Variants in SLC15A1 observed in about 807,000 individuals in gnomAD.
SLC15A1 encodes Caco-2 oligopeptide transporter.
Under a neutral mutation model 92.9 loss-of-function variants are expected in SLC15A1, and 83 were observed. That is an observed-to-expected ratio of 0.89 (90% CI 0.75 to 1.07). The LOEUF is 1.07. Among genes scored for constraint, SLC15A1 ranks in the 50% least tolerant of loss-of-function variants. The pLI is 0.00. For synonymous variants in SLC15A1, 322 were observed against 318.2 expected, an observed-to-expected ratio of 1.01 and a Z score of -0.13; for missense variants, 857 against 880.1, an observed-to-expected ratio of 0.97 and a Z score of 0.33.
chr13:98,724,662 C>T (rs961137393), intron 4 of SLC15A1, among the ~76,000 whole-genome samples: 3 of 151,896 alleles, frequency 2.0e-5, no homozygotes, highest in African/African-American at 7.3e-5. Flanking sequence ...TTAGTAGAGA[C>T]GGGGGTTTCA....
chr13:98,709,849 C>G lies in SLC15A1; in HGVS notation c.945+18G>C. ...AAGAAAGGGGACAAAGAAACTAAAA[C>G]AAAGGAGTCAAACTTACGATTTTCC... On this transcript the variant is annotated intron_variant, in intron 12 of 22. Coordinates refer to ENST00000376503, the MANE Select transcript of SLC15A1 (RefSeq NM_005073.4). 2.5e-6 allele frequency: 4 copies of G among 1,614,136 alleles called. No homozygotes were observed. The highest frequency in any genetic ancestry group is 3.4e-6 in the Non-Finnish European group (4 of 1,180,016).
chr13:98,737,002 C>A lies in SLC15A1; in HGVS notation c.5-10143G>T, dbSNP rs535096307. On this transcript the variant is annotated intron_variant, in intron 1 of 22. Transcript: ENST00000376503. Reference sequence around the variant, plus strand: ...GCCATCCCATTACTGGGTATATACCCAAAGGATTATAAATCATGCTACTAT... The same window carrying A: ...GCCATCCCATTACTGGGTATATACCAAAAGGATTATAAATCATGCTACTAT... 1.6e-3 allele frequency among the ~76,000 whole-genome samples: 239 copies of A among 152,260 alleles called. 1 individual carries two copies. Among genetic ancestry groups the A allele is most frequent in the African/African-American group, 5.4e-3 (223 of 41,516 alleles).
At chr13:98,721,766 T>A in intron 6 of SLC15A1, 38 bp downstream of exon 6, 1 of 1,580,914 alleles carries the variant, frequency 6.3e-7, no homozygotes, top group Non-Finnish European at 8.7e-7. Context: ...GGATGTGTAG[T>A]TCATTCACGT....
At chr13:98,740,979 G>GT (rs1269522196) in intron 1 of SLC15A1, among the ~76,000 whole-genome samples, 1 of 152,212 alleles carries the variant, frequency 6.6e-6, no homozygotes, top group Non-Finnish European at 1.5e-5. Context: ...AGTGGCTCTT[G>GT]TTGAGGCTGT....
chr13:98,707,356 G>T (rs1465780011), intron 15 of SLC15A1, among the ~76,000 whole-genome samples: 3 of 152,172 alleles, frequency 2.0e-5, no homozygotes, highest in African/African-American at 7.2e-5. Flanking sequence ...ACAACAGGAG[G>T]AACCTTGAAG....
chr13:98,684,984 G>A, intron 22 of SLC15A1, 69 bp from the exon 23 acceptor site: 1 of 1,341,582 alleles, frequency 7.5e-7, no homozygotes, highest in Non-Finnish European at 1.0e-6. Flanking sequence ...ATGAATATAT[G>A]GTGCGTACAT....
intron 18 of SLC15A1, among the ~76,000 whole-genome samples, chr13:98,689,884 T>A (rs2087961171): frequency 6.6e-6 from 1 of 152,226 alleles, no homozygotes; most frequent in Non-Finnish European, 1.5e-5. Flanking sequence ...CAAGGCTTCC[T>A]ATCTCTACAA....
Position 98,723,962 on chromosome 13 carries a change from G to A in SLC15A1, c.315C>T (p.Asp105=), listed in dbSNP as rs2139594059. 1 of 1,614,186 alleles carries A rather than the reference G, an allele frequency of 6.2e-7. No individual in the cohort carries two copies. Among genetic ancestry groups the A allele is most frequent in the East Asian group, 2.2e-5 (1 of 44,880 alleles). The change falls in exon 5 of 23, where the codon GAC becomes GAT. Residue 105 remains aspartate (D), a synonymous_variant. Coordinates refer to ENST00000376503, the MANE Select transcript of SLC15A1 (RefSeq NM_005073.4). The part of the protein sequence containing the change: ...QAVTSVSSIN[D]LTDHNHDGTP... ...TGCCATCATGGTTGTGGTCTGTGAGGTCATTAATGGAGCTTACTGAGGTGA... is the reference window on the plus strand; with the variant it reads ...TGCCATCATGGTTGTGGTCTGTGAGATCATTAATGGAGCTTACTGAGGTGA...
intron 4 of SLC15A1, 115 bp from the exon 5 acceptor site, chr13:98,724,146 A>G (rs1049701417): frequency 5.1e-5 from 66 of 1,289,542 alleles, no homozygotes; most frequent in Non-Finnish European, 6.6e-5. Context: ...TCCTGAATAC[A>G]CTTATTTCTC....
intron 18 of SLC15A1, among the ~76,000 whole-genome samples, chr13:98,690,002 C>T (rs1195429097): frequency 2.0e-5 from 3 of 152,202 alleles, no homozygotes; most frequent in Non-Finnish European, 4.4e-5. Context: ...CCTTTCATAG[C>T]TGTTCCAGGC....
intron 1 of SLC15A1, among the ~76,000 whole-genome samples, chr13:98,730,359 T>C (rs530140651): frequency 6.6e-6 from 1 of 151,668 alleles, no homozygotes; most frequent in African/African-American, 2.4e-5. Flanking sequence ...ACTGTACTGG[T>C]TTCACAGGAC....
intron 18 of SLC15A1, among the ~76,000 whole-genome samples, chr13:98,701,667 ATTTTTTTT>A (rs34078820): frequency 8.7e-6 from 1 of 115,566 alleles, no homozygotes; most frequent in Non-Finnish European, 1.7e-5. Flanking sequence ...TACTCAGCTA[ATTTTTTTT>A]TTTTTTTTTT....
intron 1 of SLC15A1, among the ~76,000 whole-genome samples, chr13:98,747,238 C>T (rs527365454): frequency 3.9e-5 from 6 of 152,310 alleles, no homozygotes; most frequent in African/African-American, 1.2e-4. Flanking sequence ...TCTCACTGTC[C>T]TCAAGGAAGA....
intron 18 of SLC15A1, among the ~76,000 whole-genome samples, chr13:98,689,017 G>A (rs912622232): frequency 6.6e-5 from 10 of 152,130 alleles, no homozygotes; most frequent in African/African-American, 1.7e-4. Flanking sequence ...TCGGCTCACT[G>A]CAACCTCTGC....
chr13:98,701,312 T>C (rs7326286), intron 18 of SLC15A1, among the ~76,000 whole-genome samples: 9,927 of 152,178 alleles, frequency 0.065, 453 homozygotes, highest in East Asian at 0.17. Flanking sequence ...CATGAAATAG[T>C]TGTAAAATTT....
chr13:98,749,564 A>G (rs1566462612), intron 1 of SLC15A1, among the ~76,000 whole-genome samples: 1 of 152,174 alleles, frequency 6.6e-6, no homozygotes, highest in African/African-American at 2.4e-5. Flanking sequence ...GATCCTACGA[A>G]GGCTTCGGAG....
rs768362580 is a variant in SLC15A1 at position 98,709,596 on chromosome 13, A to G, written c.1043T>C (p.Ile348Thr). The change falls in exon 14 of 23, where the codon ATT becomes ACT. Residue 348 changes from isoleucine to threonine, a missense_variant. Transcript: ENST00000376503. ...PIFDAVLYPL[I>T]AKCGFNFTSL... ...CGTGAAATTGAAGCCACATTTTGCA[A>G]TGAGAGGGTACAGCACAGCATCGAA... 21 of 1,614,052 alleles carry G rather than the reference A, an allele frequency of 1.3e-5. No homozygotes were observed. Among genetic ancestry groups the G allele is most frequent in the Non-Finnish European group, 1.8e-5 (21 of 1,180,042 alleles).
At position 98,726,823 on chromosome 13, in the gene SLC15A1, G is replaced by T. The variant is rs1237795222; in HGVS notation, c.21+20C>A. ...AATTTACAAGATGAAGATATGTAGA[G>T]AAGGAAAAAGGGTACTCACGTGTGA... On this transcript the variant is annotated intron_variant, in intron 2 of 22. Transcript: ENST00000376503. The T allele has an allele frequency of 5.0e-6, 8 of 1,610,210 alleles. No individual in the cohort carries two copies. The highest frequency in any genetic ancestry group is 4.0e-5 in the African/African-American group (3 of 74,812).
At chr13:98,705,315 A>G (rs1166930200) in intron 16 of SLC15A1, among the ~76,000 whole-genome samples, 1 of 152,102 alleles carries the variant, frequency 6.6e-6, no homozygotes, top group Non-Finnish European at 1.5e-5. Context: ...AATCCAGAAC[A>G]AGGGTGATCT....
Sources: gnomAD v4.1 joint callset for allele counts (sites outside exome capture counted in the v4.1 genomes callset) on GRCh38, gnomAD v4.1.1 for gene constraint, MANE v1.5 for transcripts, NCBI Gene and HGNC (gene_info 2026-07-23, HGNC 2026-07-21) for gene names.